Variants in NUP188 observed in about 807,000 individuals in gnomAD.
NUP188 encodes nucleoporin 188.
In NUP188, 97 loss-of-function variants were observed where a neutral mutation model predicts 223.0. That is an observed-to-expected ratio of 0.43 (90% CI 0.37 to 0.51). NUP188 has a LOEUF of 0.51. Among genes scored for constraint, NUP188 ranks in the 20% least tolerant of loss-of-function variants. The pLI is 0.00. For synonymous variants in NUP188, 869 were observed against 828.0 expected (o/e 1.05, Z -0.85); for missense variants, 1,947 against 2,175.6 (o/e 0.89, Z 2.09).
intron 38 of NUP188, chr9:129,004,777 A>G: frequency 4.4e-6 from 1 of 225,476 alleles, no homozygotes; most frequent in Non-Finnish European, 8.8e-6. Context: ...TGCTGGGATT[A>G]CAGGCATGAG....
intron 8 of NUP188, among the ~76,000 whole-genome samples, chr9:128,965,602 A>C (rs1316675652): frequency 6.6e-6 from 1 of 151,882 alleles, no homozygotes; most frequent in Admixed American, 6.6e-5. Flanking sequence ...ACAGGTGTGC[A>C]CTATTAAGCT....
chr9:128,962,927 CTGTGACTATACTTT>C (rs1233487486), intron 8 of NUP188, among the ~76,000 whole-genome samples: 1 of 152,124 alleles, frequency 6.6e-6, no homozygotes, highest in Admixed American at 6.6e-5. Flanking sequence ...TTTTAAGTAA[CTGTGACTATACTTT>C]TACTTTTTCT....
At chr9:128,966,684 G>T (rs1020277876) in intron 8 of NUP188, among the ~76,000 whole-genome samples, 1 of 152,130 alleles carries the variant, frequency 6.6e-6, no homozygotes, top group Non-Finnish European at 1.5e-5. Flanking sequence ...TGTTATCAGA[G>T]AACACATTCT....
intron 4 of NUP188, among the ~76,000 whole-genome samples, chr9:128,956,645 TGTG>T (rs1386898170): frequency 1.3e-5 from 2 of 152,194 alleles, no homozygotes; most frequent in East Asian, 1.9e-4. Context: ...TCACCAGACA[TGTG>T]GTGGTCTTTA....
intron 24 of NUP188, 66 bp downstream of exon 24, chr9:128,988,252 T>G (rs890830231): frequency 1.3e-6 from 2 of 1,567,438 alleles, no homozygotes; most frequent in Admixed American, 3.4e-5. Context: ...TGCTCATAAA[T>G]ACGTATCTTA....
chr9:128,970,924 G>C lies in NUP188; in HGVS notation c.1079G>C (p.Arg360Pro), dbSNP rs374939451. The C allele has an allele frequency of 6.2e-7, 1 of 1,614,004 alleles. No homozygotes were observed. The highest frequency in any genetic ancestry group is 1.7e-5 in the Admixed American group (1 of 59,978). The change falls in exon 11 of 44, where the codon CGA (arginine) becomes CCA (proline). Residue 360 changes from arginine to proline, a missense_variant. This residue lies in a region of NUP188 where 817 missense variants were observed against 865.8 expected (regional missense o/e 0.94). Coordinates refer to ENST00000372577, the MANE Select transcript of NUP188 (RefSeq NM_015354.3). The part of the protein sequence containing the change: ...IQLNVFQYLT[R>P]LLQSLASGGN... The stretch of plus-strand genomic sequence containing the variant: ...CTGAATGTGTTTCAGTACTTGACCC[G>C]ATTGCTCCAGTCCCTTGCCAGTGGG...
chr9:128,993,131 T>TGAA, intron 25 of NUP188, 66 bp from the exon 26 acceptor site: 1 of 1,360,428 alleles, frequency 7.4e-7, no homozygotes, highest in Non-Finnish European at 1.1e-6. Context: ...AGTGCCCTTC[T>TGAA]GTGGGAGCCC....
intron 10 of NUP188, among the ~76,000 whole-genome samples, chr9:128,970,125 A>G (rs1484517496): frequency 6.6e-6 from 1 of 151,868 alleles, no homozygotes; most frequent in Non-Finnish European, 1.5e-5. Context: ...ATGGGGTTTC[A>G]CTATGTTGGC....
chr9:128,960,688 G>A (rs949133418), intron 8 of NUP188, among the ~76,000 whole-genome samples: 1 of 152,182 alleles, frequency 6.6e-6, no homozygotes, highest in Non-Finnish European at 1.5e-5. Context: ...AGTGGCTCAT[G>A]CCTGTAATCC....
intron 31 of NUP188, 28 bp from the exon 32 acceptor site, chr9:128,998,510 T>A (rs1444406628): frequency 1.3e-5 from 21 of 1,599,270 alleles, no homozygotes; most frequent in Non-Finnish European, 1.8e-5. Flanking sequence ...TTCCACTGAC[T>A]TCTGACTGGT....
Position 128,970,805 on chromosome 9 carries a change from C to G in NUP188, c.960C>G (p.Ala320=), listed in dbSNP as rs939433318. 3 of 1,614,008 alleles carry G rather than the reference C, an allele frequency of 1.9e-6. No homozygotes were observed. The African/African-American group carries it at 4.0e-5, about 22-fold the overall frequency. The part of the protein sequence containing the change: ...MLTFGDIPHH[A]PVLLAWALLR... The stretch of plus-strand genomic sequence containing the variant: ...CCTTTGGGGACATTCCACATCATGC[C>G]CCAGTGCTTTTGGCCTGGGCTCTCC... The change falls in exon 11 of 44, where the codon GCC becomes GCG. Residue 320 remains alanine (A), a synonymous_variant. Coordinates refer to ENST00000372577, the MANE Select transcript of NUP188 (RefSeq NM_015354.3).
chr9:128,971,708 G>A (rs1842107698), intron 11 of NUP188, among the ~76,000 whole-genome samples: 2 of 151,958 alleles, frequency 1.3e-5, no homozygotes, highest in Admixed American at 6.6e-5. Context: ...GTGAGCCACC[G>A]TGCCCAGCTA....
Position 128,993,294 on chromosome 9 carries a change from G to A in NUP188, c.2738G>A (p.Arg913His). The A allele has an allele frequency of 2.5e-6, 4 of 1,614,030 alleles. No homozygotes were observed. Among genetic ancestry groups the A allele is most frequent in the Non-Finnish European group, 3.4e-6 (4 of 1,179,902 alleles). ...TTGCAGAGCAAAATTGAGGACATGC[G>A]CATCAAAGTCATGATTCTAGAGTTC... Reference protein sequence around the residue: ...TRLQSKIEDMRIKVMILEFLT... With the variant: ...TRLQSKIEDMHIKVMILEFLT... The change falls in exon 26 of 44, where the codon CGC becomes CAC. Residue 913 changes from arginine (R) to histidine (H), a missense_variant. This residue lies in a region of NUP188 where 225 missense variants were observed against 319.1 expected (regional missense o/e 0.71). Transcript: ENST00000372577.
intron 12 of NUP188, among the ~76,000 whole-genome samples, chr9:128,978,764 C>T (rs989117192): frequency 6.6e-6 from 1 of 151,998 alleles, no homozygotes; most frequent in Admixed American, 6.6e-5. Context: ...GGCTAGAGTA[C>T]AGTGGCATGA....
intron 36 of NUP188, 76 bp downstream of exon 36, chr9:129,002,052 T>G: frequency 8.3e-7 from 1 of 1,207,224 alleles, no homozygotes; most frequent in East Asian, 2.4e-5. Context: ...CTCCCCTACC[T>G]TTCCCCGGAA....
In NUP188 at chr9:129,001,957, G is replaced by T; in HGVS notation, c.4118G>T (p.Ser1373Ile). 6.2e-7 allele frequency: 1 copy of T among 1,614,136 alleles called. No individual in the cohort carries two copies. Among genetic ancestry groups the T allele is most frequent in the South Asian group, 1.1e-5 (1 of 91,086 alleles). Residue 1373 changes from serine to isoleucine, a missense_variant, in exon 36 of 44, where the codon AGC (serine) becomes ATC (isoleucine). Ser to Ile is a moderately radical substitution (Grantham distance 142). Coordinates refer to ENST00000372577, the MANE Select transcript of NUP188 (RefSeq NM_015354.3). ...CLPLLSVYQLSTNGTAQTPSA... is the reference protein window; with the variant it reads ...CLPLLSVYQLITNGTAQTPSA... ...CCCCTTCTGAGTGTGTACCAGCTGA[G>T]CACCAACGGCACAGCACAGGTGAGT...
At chr9:128,986,441 A>C (rs1842334581) in intron 20 of NUP188, 117 bp from the exon 21 acceptor site, 5 of 1,067,942 alleles carry the variant, frequency 4.7e-6, no homozygotes, top group Middle Eastern at 2.2e-4. Flanking sequence ...TTCATTGATG[A>C]CCAAGGTTTG....
rs371952739 is a variant in NUP188 at position 128,998,204 on chromosome 9, C to T, written c.3405C>T (p.Asp1135=). ...DSVVRRQLFL[D]VLDGTKALLL... is the part of the protein sequence containing the mutation. Reference sequence around the variant, plus strand: ...TGGTGCGTCGCCAGCTCTTTCTTGACGTGCTTGATGGAACCAAAGCATTAG... The same window carrying T: ...TGGTGCGTCGCCAGCTCTTTCTTGATGTGCTTGATGGAACCAAAGCATTAG... Residue 1135 remains aspartate (D), a synonymous_variant, in exon 31 of 44, where the codon GAC becomes GAT. Transcript: ENST00000372577. 26 of 1,613,622 alleles carry T rather than the reference C, an allele frequency of 1.6e-5. No homozygotes were observed. The highest frequency in any genetic ancestry group is 2.2e-5 in the East Asian group (1 of 44,896).
At chr9:128,951,685 A>G (rs1841789438) in intron 2 of NUP188, among the ~76,000 whole-genome samples, 1 of 152,160 alleles carries the variant, frequency 6.6e-6, no homozygotes, top group South Asian at 2.1e-4. Flanking sequence ...AGCAAAGAAA[A>G]GAAGGTTACA....
Sources: allele counts gnomAD v4.1 joint callset (sites outside exome capture counted in the v4.1 genomes callset), GRCh38; gene constraint gnomAD v4.1.1; regional missense constraint gnomAD v4.1.1; transcripts MANE v1.5; gene names NCBI Gene and HGNC (gene_info 2026-07-23, HGNC 2026-07-21).